The following FANCC variants were observed in gnomAD, a reference collection of about 807,000 sequenced individuals.
FANCC encodes the protein Fanconi anemia group C protein.
In FANCC, 55 loss-of-function variants were observed where a neutral mutation model predicts 71.3. The ratio of observed to expected loss-of-function variants is 0.77; its 90% CI spans 0.62 to 0.97. FANCC has a LOEUF of 0.97. Ranked by LOEUF, FANCC falls within the 50% of genes least tolerant of loss-of-function variation. FANCC has a pLI of 0.00. For synonymous variants in FANCC, 275 were observed against 244.9 expected (o/e 1.12, Z -1.15); for missense variants, 678 against 670.9 (o/e 1.01, Z -0.12).
At chr9:95,301,382 A>G (rs999276291) in intron 1 of FANCC, among the ~76,000 whole-genome samples, 1 of 152,160 alleles carries the variant, frequency 6.6e-6, no homozygotes, top group East Asian at 1.9e-4. Context: ...GTCTTCAAAA[A>G]TAAGTGCTGG....
intron 6 of FANCC, among the ~76,000 whole-genome samples, chr9:95,168,334 C>G (rs1186723695): frequency 6.6e-6 from 1 of 152,186 alleles, no homozygotes; most frequent in Non-Finnish European, 1.5e-5. Context: ...CTATGCCAGC[C>G]TCCATCGGCA....
intron 1 of FANCC, among the ~76,000 whole-genome samples, chr9:95,254,477 T>C (rs1199111513): frequency 6.6e-6 from 1 of 152,112 alleles, no homozygotes; most frequent in African/African-American, 2.4e-5. Flanking sequence ...GCACAATGGA[T>C]TGGGGAACTC....
intron 10 of FANCC, among the ~76,000 whole-genome samples, chr9:95,122,865 A>G (rs1443309680): frequency 6.6e-6 from 1 of 152,190 alleles, no homozygotes; most frequent in Non-Finnish European, 1.5e-5. Flanking sequence ...ATTTACAGTT[A>G]GGCTCAAAAT....
chr9:95,099,751 A>G lies in FANCC; in HGVS notation c.*1956T>C, dbSNP rs540408471. ...CCACCGGCAAGGCCGCCTCCACCGC[A>G]CCCGTGAGAGGACTCGGCAGCTGTG... is the stretch of plus-strand genomic sequence containing the variant. On this transcript the variant is annotated 3_prime_UTR_variant, in exon 15 of 15. Coordinates refer to ENST00000289081, the MANE Select transcript of FANCC (RefSeq NM_000136.3). 1 of 232,118 alleles carries G rather than the reference A, an allele frequency of 4.3e-6. No individual in the cohort carries two copies. The highest frequency in any genetic ancestry group is 6.1e-5 in the East Asian group (1 of 16,410). The allele number at this position is 232,118 out of a possible 1,614,324, so 14.4% of individuals were successfully genotyped here. A position where few individuals can be genotyped will look rare whatever the true frequency, so the allele number is the denominator to read the frequency against.
intron 4 of FANCC, among the ~76,000 whole-genome samples, chr9:95,223,972 C>T (rs768330090): frequency 5.9e-5 from 9 of 152,102 alleles, no homozygotes; most frequent in Admixed American, 1.3e-4. Flanking sequence ...AGTGAAACTC[C>T]GTCTCAAGGA....
chr9:95,135,616 T>G, intron 7 of FANCC, 114 bp from the exon 8 acceptor site: 1 of 834,350 alleles, frequency 1.2e-6, no homozygotes, highest in Non-Finnish European at 2.0e-6. Context: ...CTCATCATGG[T>G]CACAGCAGTG....
At chr9:95,131,310 G>C (rs761967446) in intron 8 of FANCC, among the ~76,000 whole-genome samples, 1 of 152,186 alleles carries the variant, frequency 6.6e-6, no homozygotes, top group Non-Finnish European at 1.5e-5. Context: ...CAATTAGCCC[G>C]GGTAGCCCAA....
chr9:95,272,291 T>C (rs934715042), intron 1 of FANCC, among the ~76,000 whole-genome samples: 1 of 152,144 alleles, frequency 6.6e-6, no homozygotes. Context: ...ACATTTTATG[T>C]ACCAATTACA....
rs74940991 is a variant in FANCC, at chr9:95,302,622, C to G, written c.-79+14904G>C. Among the ~76,000 whole-genome samples, 781 of 152,294 alleles carry G rather than the reference C, an allele frequency of 5.1e-3. 5 individuals carry two copies. The highest frequency in any genetic ancestry group is 0.04 in the South Asian group (193 of 4,820). On this transcript the variant is annotated intron_variant, in intron 1 of 14. Coordinates refer to ENST00000289081, the MANE Select transcript of FANCC (RefSeq NM_000136.3). Reference sequence around the variant, plus strand: ...TTTAGCCTGTGAATCCTCAGACTCACCAGTGCTCAGTAGAGCAGTGGGGTT... The same window carrying G: ...TTTAGCCTGTGAATCCTCAGACTCAGCAGTGCTCAGTAGAGCAGTGGGGTT...
At chr9:95,262,842 T>A (rs1183367339) in intron 1 of FANCC, among the ~76,000 whole-genome samples, 1 of 152,134 alleles carries the variant, frequency 6.6e-6, no homozygotes, top group Non-Finnish European at 1.5e-5. Context: ...CCATGCTAAG[T>A]GAAATCAGAC....
At chr9:95,244,099 G>A (rs1830793907) in intron 3 of FANCC, among the ~76,000 whole-genome samples, 1 of 152,226 alleles carries the variant, frequency 6.6e-6, no homozygotes, top group Admixed American at 6.5e-5. Flanking sequence ...ACAGATACAA[G>A]TTCAAGGACA....
intron 1 of FANCC, among the ~76,000 whole-genome samples, chr9:95,303,912 T>C (rs1276472209): frequency 6.6e-6 from 1 of 152,082 alleles, no homozygotes; most frequent in Non-Finnish European, 1.5e-5. Flanking sequence ...TCACCAAAAA[T>C]ATTCTCAGAA....
chr9:95,234,866 A>G (rs974896705), intron 4 of FANCC, among the ~76,000 whole-genome samples: 1 of 152,220 alleles, frequency 6.6e-6, no homozygotes, highest in Non-Finnish European at 1.5e-5. Context: ...AGGAAAAAGG[A>G]CAATGTCTCA....
chr9:95,106,828 G>C (rs1369621429), intron 14 of FANCC, among the ~76,000 whole-genome samples: 1 of 152,152 alleles, frequency 6.6e-6, no homozygotes, highest in Non-Finnish European at 1.5e-5. Context: ...AGCAAGCCGT[G>C]GGCCCAGGAG....
chr9:95,314,430 G>C (rs1388232482), intron 1 of FANCC, among the ~76,000 whole-genome samples: 2 of 152,074 alleles, frequency 1.3e-5, no homozygotes, highest in East Asian at 3.8e-4. Context: ...GAGGCAGGCG[G>C]GTCACGAGGT....
chr9:95,249,263 C>T lies in FANCC; in HGVS notation c.29G>A (p.Cys10Tyr), dbSNP rs143152201. The change falls in exon 2 of 15, where the codon TGT (cysteine) becomes TAT (tyrosine). Residue 10 changes from cysteine (C) to tyrosine (Y), a missense_variant. Physicochemically the swap from Cys to Tyr is radical, Grantham distance 194. Transcript: ENST00000289081. Reference sequence around the variant, plus strand: ...CTTCTGCATCCAAAACTGATAATCACAAGAAAGATCTACTGAATCTTGAGC... The same window carrying T: ...CTTCTGCATCCAAAACTGATAATCATAAGAAAGATCTACTGAATCTTGAGC... The part of the protein sequence containing the change: MAQDSVDLS[C>Y]DYQFWMQKLS... 623 of 1,614,086 alleles carry T rather than the reference C, an allele frequency of 3.9e-4. 3 individuals are homozygous for T. Among genetic ancestry groups the T allele is most frequent in the South Asian group, 1.6e-3 (150 of 91,080 alleles).
At chr9:95,231,962 A>T (rs1282336026) in intron 4 of FANCC, among the ~76,000 whole-genome samples, 1 of 152,202 alleles carries the variant, frequency 6.6e-6, no homozygotes, top group Non-Finnish European at 1.5e-5. Flanking sequence ...CCTGAGACTG[A>T]GTAATGGAGG....
intron 1 of FANCC, among the ~76,000 whole-genome samples, chr9:95,309,966 A>T (rs369488276): frequency 6.6e-6 from 1 of 152,358 alleles, no homozygotes; most frequent in African/African-American, 2.4e-5. Context: ...TAGAACAATC[A>T]CAATGTCCTA....
intron 1 of FANCC, among the ~76,000 whole-genome samples, chr9:95,279,515 A>G (rs1387256245): frequency 6.6e-6 from 1 of 151,942 alleles, no homozygotes; most frequent in Admixed American, 6.5e-5. Flanking sequence ...AAAAAAAAAA[A>G]AAACAGATAA....
Sources: allele counts gnomAD v4.1 joint callset (sites outside exome capture counted in the v4.1 genomes callset), GRCh38; gene constraint gnomAD v4.1.1; transcripts MANE v1.5; gene names NCBI Gene and HGNC (gene_info 2026-07-23, HGNC 2026-07-21).